Variants in NSA2 observed in about 807,000 individuals in gnomAD.
NSA2 encodes NSA2 ribosome biogenesis factor.
A neutral mutation model predicts 34.8 loss-of-function variants in NSA2; 18 were observed. That is an observed-to-expected ratio of 0.52 (90% CI 0.36 to 0.77). NSA2 has a LOEUF of 0.77. Among genes scored for constraint, NSA2 ranks in the 30% least tolerant of loss-of-function variants. NSA2 has a pLI of 0.00. For synonymous variants in NSA2, 79 were observed against 100.2 expected (o/e 0.79, Z 1.26); for missense variants, 188 against 314.7 (o/e 0.60, Z 3.05).
At position 74,769,010 on chromosome 5, in the gene NSA2, A is replaced by G. The variant is rs1561273689; in HGVS notation, c.83A>G (p.Glu28Gly). ...TACCATGAGAAAAAGAGAAAGAAGG[A>G]AAGTCGAGAGGCTCATGAACGTTCA... The part of the protein sequence containing the change: ...LDYHEKKRKK[E>G]SREAHERSKK... Residue 28 changes from glutamate (E) to glycine (G), a missense_variant, in exon 2 of 6, where the codon GAA becomes GGA. Coordinates refer to ENST00000610426, the MANE Select transcript of NSA2 (RefSeq NM_014886.6). The G allele has an allele frequency of 8.7e-6, 14 of 1,611,250 alleles. No individual in the cohort carries two copies. Among genetic ancestry groups the G allele is most frequent in the African/African-American group, 1.3e-5 (1 of 74,834 alleles).
At position 74,778,588 on chromosome 5, in the gene NSA2, T is replaced by C. The variant is rs1462659145; in HGVS notation, c.*1917T>C. On this transcript the variant is annotated 3_prime_UTR_variant, in exon 6 of 6. Transcript: ENST00000610426. ...AGACTGACGTTCTAAATCATGCTGT[T>C]TGATTTTATAAAAAAATCATAATAG... 1.6e-5 allele frequency: 2 copies of C among 126,356 alleles called. No homozygotes were observed. Among genetic ancestry groups the C allele is most frequent in the Non-Finnish European group, 3.1e-5 (2 of 64,498 alleles). 7.8% of individuals were successfully genotyped at this position (126,356 alleles called of 1,614,324 possible). A position where few individuals can be genotyped will look rare whatever the true frequency, so the allele number is the denominator to read the frequency against.
At position 74,767,327 on chromosome 5, in the gene NSA2, A is replaced by T; in HGVS notation, c.-34A>T. The stretch of plus-strand genomic sequence containing the variant: ...AAAATTGAGAGCGTTTTCGCACTCC[A>T]GCGGCTGCTCCTGGCGGCTCTGCGG... On this transcript the variant is annotated 5_prime_UTR_variant, in exon 1 of 6. Coordinates refer to ENST00000610426, the MANE Select transcript of NSA2 (RefSeq NM_014886.6). The T allele has an allele frequency of 9.9e-6, 16 of 1,613,338 alleles. No homozygotes were observed. The highest frequency in any genetic ancestry group is 1.4e-5 in the Non-Finnish European group (16 of 1,179,548).
chr5:74,775,855 A>C (rs1197216206), intron 5 of NSA2, among the ~76,000 whole-genome samples: 1 of 152,074 alleles, frequency 6.6e-6, no homozygotes, highest in East Asian at 1.9e-4. Context: ...CCCAGATCCA[A>C]TTTCTTTGAA....
intron 4 of NSA2, among the ~76,000 whole-genome samples, chr5:74,771,184 G>A (rs972910053): frequency 8.6e-5 from 13 of 151,892 alleles, no homozygotes; most frequent in African/African-American, 3.1e-4. Flanking sequence ...GGAGGCTGAG[G>A]CAGGAGAATC....
At position 74,777,676 on chromosome 5, in the gene NSA2, T is replaced by G. The variant is rs1314132571; in HGVS notation, c.*1005T>G. On this transcript the variant is annotated 3_prime_UTR_variant, in exon 6 of 6. Coordinates refer to ENST00000610426, the MANE Select transcript of NSA2 (RefSeq NM_014886.6). ...CAAAGTCATTCAATGTCTAAACAAA[T>G]TCAGTATCTGAAACATCTTCATGAG... The G allele has an allele frequency of 1.3e-5, 2 of 152,004 alleles. No individual in the cohort carries two copies. Among genetic ancestry groups the G allele is most frequent in the Non-Finnish European group, 1.5e-5 (1 of 67,920 alleles). The allele number at this position is 152,004 out of a possible 1,614,324, so 9.4% of individuals were successfully genotyped here.
Position 74,778,773 on chromosome 5 carries a change from TAAA to T in NSA2, c.*2105_*2107del, listed in dbSNP as rs1370448766. On this transcript the variant is annotated 3_prime_UTR_variant, in exon 6 of 6. Coordinates refer to ENST00000610426, the MANE Select transcript of NSA2 (RefSeq NM_014886.6). ...ACAAGGAAATATACACGTATGTACA[TAAA>T]AAGTGAACTCCCTTCACAAATAAGT... 2.0e-5 allele frequency: 3 copies of T among 152,058 alleles called. No individual in the cohort carries two copies. The highest frequency in any genetic ancestry group is 2.9e-5 in the Non-Finnish European group (2 of 67,904). 9.4% of individuals were successfully genotyped at this position (152,058 alleles called of 1,614,324 possible).
intron 5 of NSA2, among the ~76,000 whole-genome samples, chr5:74,775,217 A>G (rs1385482078): frequency 6.6e-6 from 1 of 152,114 alleles, no homozygotes; most frequent in Non-Finnish European, 1.5e-5. Context: ...CTCTGTCTCA[A>G]AAAGTAATAA....
At chr5:74,771,380 ATCT>A (rs2112416491) in intron 4 of NSA2, 1 of 152,300 alleles carries the variant, frequency 6.6e-6, no homozygotes, top group East Asian at 1.9e-4. Context: ...ACATATTAGA[ATCT>A]TCATTTTCCA....
At position 74,777,707 on chromosome 5, in the gene NSA2, C is replaced by CT. The variant is rs1325200417; in HGVS notation, c.*1037dup. 2.0e-5 allele frequency: 3 copies of CT among 151,358 alleles called. No homozygotes were observed. The highest frequency in any genetic ancestry group is 4.4e-5 in the Non-Finnish European group (3 of 67,790). 9.4% of individuals were successfully genotyped at this position (151,358 alleles called of 1,614,324 possible). ...ATCTGAAACATCTTCATGAGGAAAA[C>CT]TGAAGGAAAGGAATTTAAAAACACA... On this transcript the variant is annotated 3_prime_UTR_variant, in exon 6 of 6. Coordinates refer to ENST00000610426, the MANE Select transcript of NSA2 (RefSeq NM_014886.6).
chr5:74,769,563 T>A (rs569458741), intron 3 of NSA2, 199 bp downstream of exon 3: 7 of 438,378 alleles, frequency 1.6e-5, no homozygotes, highest in South Asian at 5.2e-5. Context: ...ATAAAAAAAA[T>A]TTATTAGAAT....
Position 74,775,444 on chromosome 5 carries a change from G to A in NSA2, c.716-1160G>A, listed in dbSNP as rs572405978. 8.6e-5 allele frequency among the ~76,000 whole-genome samples: 13 copies of A among 151,670 alleles called. No individual in the cohort carries two copies. The East Asian group carries it at 1.4e-3, about 16-fold the overall frequency. On this transcript the variant is annotated intron_variant, in intron 5 of 5. Transcript: ENST00000610426. ...AGCCTGGCCAACATGACAAAACGCC[G>A]TCTCTACTAAAAATACAAAACAATT...
rs1490215062 is a variant in NSA2, at chr5:74,779,775, C to T, written c.*3104C>T. ...GTTCAAAATCTAACACAAATAGGAGCGTTTACTATTTTTGTCTGCTTTAAG... is the reference window on the plus strand; with the variant it reads ...GTTCAAAATCTAACACAAATAGGAGTGTTTACTATTTTTGTCTGCTTTAAG... On this transcript the variant is annotated 3_prime_UTR_variant, in exon 6 of 6. Coordinates refer to ENST00000610426, the MANE Select transcript of NSA2 (RefSeq NM_014886.6). 6.6e-5 allele frequency: 10 copies of T among 152,134 alleles called. No individual in the cohort carries two copies. The South Asian group carries it at 1.2e-3, about 19-fold the overall frequency. The allele number at this position is 152,134 out of a possible 1,614,324, so 9.4% of individuals were successfully genotyped here.
rs1745188699 is a variant in NSA2 at position 74,777,637 on chromosome 5, A to G, written c.*966A>G. 1 of 145,388 alleles carries G rather than the reference A, an allele frequency of 6.9e-6. No individual in the cohort carries two copies. Among genetic ancestry groups the G allele is most frequent in the Admixed American group, 6.7e-5 (1 of 14,948 alleles). The allele number at this position is 145,388 out of a possible 1,614,324, so 9.0% of individuals were successfully genotyped here. ...TCTTCAGAGTACAACCAATGTGATTAATTGTGCCTTTAACAAAGTCATTCA... is the reference window on the plus strand; with the variant it reads ...TCTTCAGAGTACAACCAATGTGATTGATTGTGCCTTTAACAAAGTCATTCA... On this transcript the variant is annotated 3_prime_UTR_variant, in exon 6 of 6. Transcript: ENST00000610426.
At chr5:74,775,267 G>A (rs1050390555) in intron 5 of NSA2, among the ~76,000 whole-genome samples, 2 of 152,050 alleles carry the variant, frequency 1.3e-5, no homozygotes, top group East Asian at 1.9e-4. Flanking sequence ...AGTTCGTTCT[G>A]TTAATTCCCA....
At position 74,778,250 on chromosome 5, in the gene NSA2, CAA is replaced by C. The variant is rs1393295735; in HGVS notation, c.*1582_*1583del. The C allele has an allele frequency of 6.6e-6, 1 of 151,882 alleles. No individual in the cohort carries two copies. The highest frequency in any genetic ancestry group is 1.5e-5 in the Non-Finnish European group (1 of 67,866). 9.4% of individuals were successfully genotyped at this position (151,882 alleles called of 1,614,324 possible). On this transcript the variant is annotated 3_prime_UTR_variant, in exon 6 of 6. Coordinates refer to ENST00000610426, the MANE Select transcript of NSA2 (RefSeq NM_014886.6). ...ACTAGATGACACCTGAAACATTTTT[CAA>C]AATACTGTAACACAGATGAGTAATA...
chr5:74,771,860 AAAAAAAAAAG>A (rs1316116954), intron 4 of NSA2, among the ~76,000 whole-genome samples: 25 of 107,194 alleles, frequency 2.3e-4, no homozygotes, highest in Middle Eastern at 4.7e-3. Context: ...TCTCAAAAAA[AAAAAAAAAAG>A]AAAAAAAGAA....
intron 1 of NSA2, among the ~76,000 whole-genome samples, chr5:74,767,665 TATC>T (rs1374553573): frequency 1.3e-5 from 2 of 152,194 alleles, no homozygotes; most frequent in African/African-American, 4.8e-5. Context: ...CAAGCGTGGT[TATC>T]AGCCCCAGAG....
At chr5:74,771,950 T>C (rs994579900) in intron 4 of NSA2, among the ~76,000 whole-genome samples, 1 of 151,896 alleles carries the variant, frequency 6.6e-6, no homozygotes, top group Non-Finnish European at 1.5e-5. Context: ...GCAATAGTAA[T>C]GTGACCCCAA....
rs1034014182 is a variant in NSA2, at chr5:74,777,215, A to G, written c.*544A>G. On this transcript the variant is annotated 3_prime_UTR_variant, in exon 6 of 6. Coordinates refer to ENST00000610426, the MANE Select transcript of NSA2 (RefSeq NM_014886.6). ...GGTCTAGTGAATTCACATTCTAAAC[A>G]TTTTTTTCATCTCATTTACCATGTA... is the stretch of plus-strand genomic sequence containing the variant. 1 of 152,062 alleles carries G rather than the reference A, an allele frequency of 6.6e-6. No homozygotes were observed. Among genetic ancestry groups the G allele is most frequent in the Non-Finnish European group, 1.5e-5 (1 of 67,986 alleles). 9.4% of individuals were successfully genotyped at this position (152,062 alleles called of 1,614,324 possible).
Sources: gnomAD v4.1 joint callset for allele counts (sites outside exome capture counted in the v4.1 genomes callset) on GRCh38, gnomAD v4.1.1 for gene constraint, MANE v1.5 for transcripts, NCBI Gene and HGNC (gene_info 2026-07-23, HGNC 2026-07-21) for gene names.